Variants in RPL22 observed in about 807,000 individuals in gnomAD.
RPL22 encodes the protein ribosomal protein L22, also known as large ribosomal subunit protein eL22.
In RPL22, 4 loss-of-function variants were observed where a neutral mutation model predicts 16.2. The ratio of observed to expected loss-of-function variants is 0.25; its 90% CI spans 0.12 to 0.57. RPL22 has a LOEUF of 0.57. RPL22 is among the 20% of genes least tolerant of loss of function. The probability of loss-of-function intolerance (pLI) is 0.92; values close to 1 mark genes in which losing one functional copy is unlikely to be tolerated. For synonymous variants in RPL22, 43 were observed against 54.8 expected (o/e 0.78, Z 0.95); for missense variants, 83 against 156.1 (o/e 0.53, Z 2.49).
At chr1:6,196,786 A>G (rs1667723446) in intron 2 of RPL22, among the ~76,000 whole-genome samples, 1 of 152,114 alleles carries the variant, frequency 6.6e-6, no homozygotes, top group Non-Finnish European at 1.5e-5. Context: ...ATCTGAAGAA[A>G]AAAAAAAAAG....
At chr1:6,188,101 G>C (rs922736475) in intron 3 of RPL22, among the ~76,000 whole-genome samples, 28 of 152,172 alleles carry the variant, frequency 1.8e-4, no homozygotes. Context: ...CTGTGGCCCA[G>C]GCTCACTGCA....
chr1:6,190,502 T>A (rs943174071), intron 3 of RPL22, among the ~76,000 whole-genome samples: 1 of 152,198 alleles, frequency 6.6e-6, no homozygotes, highest in Non-Finnish European at 1.5e-5. Flanking sequence ...TGCCTCAGCC[T>A]ACCCAGTAGC....
In RPL22 at chr1:6,186,777, A is replaced by C; in HGVS notation, c.282T>G (p.Asn94Lys). The change falls in exon 4 of 4, where the codon AAT becomes AAG. Residue 94 changes from asparagine (N) to lysine (K), a missense_variant. By Grantham distance (94) the Asn-to-Lys change is moderately conservative (BLOSUM62 0). Transcript: ENST00000234875. ...CTACGCGCAACCAGTCACGTAGATT[A>C]TTCTTCTTCAAATATTTTTTGGTGA... is the stretch of plus-strand genomic sequence containing the variant. ...KYLTKKYLKK[N>K]NLRDWLRVVA... 2 of 1,613,040 alleles carry C rather than the reference A, an allele frequency of 1.2e-6. No homozygotes were observed. Among genetic ancestry groups the C allele is most frequent in the Non-Finnish European group, 1.7e-6 (2 of 1,179,638 alleles).
At position 6,186,100 on chromosome 1, in the gene RPL22, C is replaced by A. The variant is rs1365069447; in HGVS notation, c.*572G>T. 2.2e-5 allele frequency: 5 copies of A among 232,022 alleles called. No individual in the cohort carries two copies. The highest frequency in any genetic ancestry group is 4.3e-5 in the Non-Finnish European group (5 of 117,440). 14.4% of individuals were successfully genotyped at this position (232,022 alleles called of 1,614,324 possible). A position where few individuals can be genotyped will look rare whatever the true frequency, so the allele number is the denominator to read the frequency against. On this transcript the variant is annotated 3_prime_UTR_variant, in exon 4 of 4. Transcript: ENST00000234875. The stretch of plus-strand genomic sequence containing the variant: ...GACTTTTACAATCGATTCCCCAAAC[C>A]CCTTTATGGCAGCAACACTGAAGGA...
intron 3 of RPL22, among the ~76,000 whole-genome samples, chr1:6,189,296 C>CA (rs1667619769): frequency 6.6e-6 from 1 of 151,878 alleles, no homozygotes; most frequent in South Asian, 2.1e-4. Flanking sequence ...TTTTGCTAAG[C>CA]AAAGATAAAT....
At chr1:6,199,466 C>T in intron 1 of RPL22, 96 bp downstream of exon 1, 1 of 1,510,144 alleles carries the variant, frequency 6.6e-7, no homozygotes, top group Non-Finnish European at 8.9e-7. Context: ...CAGGACGCTG[C>T]AGGGCGCCGT....
chr1:6,190,893 A>G (rs1667640884), intron 3 of RPL22, among the ~76,000 whole-genome samples: 1 of 152,178 alleles, frequency 6.6e-6, no homozygotes, highest in African/African-American at 2.4e-5. Context: ...TTCAGTGCCA[A>G]AGTAGCACTT....
intron 2 of RPL22, 22 bp downstream of exon 2, chr1:6,197,630 T>A: frequency 6.6e-7 from 1 of 1,506,480 alleles, no homozygotes; most frequent in East Asian, 2.3e-5. Flanking sequence ...ACCACCCGAG[T>A]GGCAATAAGG....
intron 3 of RPL22, among the ~76,000 whole-genome samples, chr1:6,190,648 G>A (rs189099397): frequency 6.6e-6 from 1 of 152,254 alleles, no homozygotes; most frequent in Non-Finnish European, 1.5e-5. Flanking sequence ...CAAAGTGCTG[G>A]GATTTAGTAT....
chr1:6,196,763 A>G (rs1557575408), intron 2 of RPL22, among the ~76,000 whole-genome samples: 1 of 152,148 alleles, frequency 6.6e-6, no homozygotes, highest in Non-Finnish European at 1.5e-5. Flanking sequence ...GCAAAAAATC[A>G]GCACAGAGCA....
chr1:6,199,537 A>G, intron 1 of RPL22, 25 bp downstream of exon 1: 4 of 1,557,638 alleles, frequency 2.6e-6, no homozygotes, highest in Non-Finnish European at 2.6e-6. Flanking sequence ...CCTGGAGCCG[A>G]GGCCTCACGC....
intron 3 of RPL22, among the ~76,000 whole-genome samples, chr1:6,188,897 T>C (rs1462823884): frequency 6.6e-6 from 1 of 151,970 alleles, no homozygotes; most frequent in East Asian, 1.9e-4. Context: ...GCAATTCTCC[T>C]GCCTCAGCCT....
chr1:6,195,892 A>C lies in RPL22; in HGVS notation c.117+1760T>G, dbSNP rs565954229. Among the ~76,000 whole-genome samples, 43 of 151,448 alleles carry C rather than the reference A, an allele frequency of 2.8e-4. No individual in the cohort carries two copies. The South Asian group carries it at 8.6e-3, about 30-fold the overall frequency. The stretch of plus-strand genomic sequence containing the variant: ...AGCCTGACCAACATGGAGGAACCCC[A>C]TCTCTACTAATAATACAAAAATTAG... On this transcript the variant is annotated intron_variant, in intron 2 of 3. Coordinates refer to ENST00000234875, the MANE Select transcript of RPL22 (RefSeq NM_000983.4).
At chr1:6,188,003 C>A (rs1667603426) in intron 3 of RPL22, among the ~76,000 whole-genome samples, 1 of 152,154 alleles carries the variant, frequency 6.6e-6, no homozygotes, top group South Asian at 2.1e-4. Context: ...TGCCCAATTG[C>A]TGCTTTAGCC....
At chr1:6,198,706 C>G (rs1667752129) in intron 1 of RPL22, 1 of 152,214 alleles carries the variant, frequency 6.6e-6, no homozygotes, top group African/African-American at 2.4e-5. Flanking sequence ...TTTACAACGT[C>G]TCTTCGCAGT....
At chr1:6,195,319 C>A (rs898586790) in intron 2 of RPL22, among the ~76,000 whole-genome samples, 1 of 147,142 alleles carries the variant, frequency 6.8e-6, no homozygotes, top group Non-Finnish European at 1.5e-5. Context: ...GTGACAGACA[C>A]CTGTAGTCCC....
intron 3 of RPL22, among the ~76,000 whole-genome samples, chr1:6,191,081 C>T (rs536193892): frequency 7.2e-4 from 109 of 152,034 alleles, no homozygotes; most frequent in Non-Finnish European, 1.2e-3. Flanking sequence ...ATAATTAGGC[C>T]GGGCGCGGTG....
chr1:6,199,258 G>C (rs960167762), intron 1 of RPL22: 12 of 492,686 alleles, frequency 2.4e-5, no homozygotes, highest in Non-Finnish European at 3.1e-6. Flanking sequence ...GCCCCCGGCC[G>C]GGGTCCGAGG....
At chr1:6,190,782 G>T (rs1349619721) in intron 3 of RPL22, among the ~76,000 whole-genome samples, 2 of 152,214 alleles carry the variant, frequency 1.3e-5, no homozygotes, top group Non-Finnish European at 2.9e-5. Flanking sequence ...ACAGAGGAGG[G>T]AACTAGCAAA....
Sources: gnomAD v4.1 joint callset for allele counts (sites outside exome capture counted in the v4.1 genomes callset) on GRCh38, gnomAD v4.1.1 for gene constraint, MANE v1.5 for transcripts, NCBI Gene and HGNC (gene_info 2026-07-23, HGNC 2026-07-21) for gene names.